OPRM1: variants seen among roughly 807,000 people sequenced by gnomAD.
The protein encoded by OPRM1 is opioid receptor mu 1, also known as mu-type opioid receptor.
OPRM1 carries 27 observed loss-of-function variants against 31.8 expected under a neutral mutation model. The observed-to-expected ratio is 0.85, with a 90% CI of 0.63 to 1.17. OPRM1 has a LOEUF of 1.17. Ranked by LOEUF, OPRM1 falls within the 50% of genes most tolerant of loss-of-function variation. OPRM1 has a pLI of 0.00. For synonymous variants in OPRM1, 196 were observed against 189.9 expected (o/e 1.03, Z -0.26); for missense variants, 536 against 511.1 (o/e 1.05, Z -0.47).
rs996898793 is a variant in OPRM1 at position 154,118,821 on chromosome 6, G to C, written c.*100G>C. 1 of 1,555,280 alleles carries C rather than the reference G, an allele frequency of 6.4e-7. No individual in the cohort carries two copies. Among genetic ancestry groups the C allele is most frequent in the East Asian group, 2.3e-5 (1 of 44,284 alleles). On this transcript the variant is annotated 3_prime_UTR_variant, in exon 4 of 4. Transcript: ENST00000330432. ...TGTGTAGGAGGCTCTAATTCTCTAG[G>C]AAAGTGCCTGCTTTTAGGTCATCCA...
chr6:154,170,351 G>A (rs1405821611), intron 3 of OPRM1, among the ~76,000 whole-genome samples: 1 of 152,134 alleles, frequency 6.6e-6, no homozygotes, highest in Non-Finnish European at 1.5e-5. Flanking sequence ...CCATAGGGTG[G>A]AGAAAAGCAT....
intron 3 of OPRM1, among the ~76,000 whole-genome samples, chr6:154,171,939 G>C (rs1799905327): frequency 6.6e-6 from 1 of 152,104 alleles, no homozygotes; most frequent in African/African-American, 2.4e-5. Flanking sequence ...CAGTATTTTT[G>C]AATTAAGGAA....
At chr6:154,037,433 G>T (rs549292580), upstream of OPRM1, among the ~76,000 whole-genome samples, 86 of 150,366 alleles carry the variant, frequency 5.7e-4, 1 homozygote, top group South Asian at 0.017. Context: ...TTCTTTTTTT[G>T]TTGTTGTTTG....
At position 154,138,246 on chromosome 6, in the gene OPRM1, GA is replaced by G. The variant is rs879605564; in HGVS notation, c.1164+46786del. Among the ~76,000 whole-genome samples, 770 of 142,186 alleles carry G rather than the reference GA, an allele frequency of 5.4e-3. 6 individuals are homozygous for G. Among genetic ancestry groups the G allele is most frequent in the African/African-American group, 0.016 (617 of 39,000 alleles). The allele number at this position is 142,186 out of a possible 152,430, so 93.3% of individuals were successfully genotyped here. ...TAGACAGTATGCAAAAAGCTTTCAG[GA>G]AAAAAAAAAAAGTCACGCAGTTTTT... On this transcript the variant is annotated intron_variant, in intron 3 of 3. Coordinates refer to the OPRM1 transcript ENST00000337049.
chr6:154,037,141 T>C (rs1372962425), upstream of OPRM1, among the ~76,000 whole-genome samples: 1 of 151,984 alleles, frequency 6.6e-6, no homozygotes, highest in Non-Finnish European at 1.5e-5. Flanking sequence ...ACTATAAATT[T>C]ATAGGAGATG....
At chr6:154,033,036 T>G (rs2128388601) in intron 1 of OPRM1, among the ~76,000 whole-genome samples, 1 of 152,304 alleles carries the variant, frequency 6.6e-6, no homozygotes, top group South Asian at 2.1e-4. Flanking sequence ...TTGAGATTAC[T>G]TAAGAATATG....
intron 3 of OPRM1, chr6:154,213,459 G>C (rs907313752): frequency 1.3e-5 from 2 of 153,266 alleles, no homozygotes; most frequent in African/African-American, 4.8e-5. Context: ...GGACCAAGAA[G>C]ATGGCTAGGA....
chr6:154,130,170 CTTTTTTTTT>C lies in OPRM1; in HGVS notation c.*11459_*11467del. ...GATTTCATGGAAATGTTTAAATTTT[CTTTTTTTTT>C]TTTTTTTTTGATGGAGTCTCACTCT... On this transcript the variant is annotated 3_prime_UTR_variant, in exon 4 of 4. Coordinates refer to ENST00000330432, the MANE Select transcript of OPRM1 (RefSeq NM_000914.5). 1.4e-5 allele frequency among the ~76,000 whole-genome samples: 1 copy of C among 71,824 alleles called. No homozygotes were observed. The highest frequency in any genetic ancestry group is 2.9e-5 in the Non-Finnish European group (1 of 34,904). 47.1% of individuals were successfully genotyped at this position (71,824 alleles called of 152,430 possible). A position where few individuals can be genotyped will look rare whatever the true frequency, so the allele number is the denominator to read the frequency against.
intron 1 of OPRM1, among the ~76,000 whole-genome samples, chr6:154,015,291 AAGAC>A (rs1001822902): frequency 5.3e-5 from 8 of 152,002 alleles, no homozygotes; most frequent in African/African-American, 1.4e-4. Context: ...GTTATGTAAA[AAGAC>A]AGAGAGACTA....
chr6:154,052,012 A>G (rs1782299075), intron 1 of OPRM1, among the ~76,000 whole-genome samples: 1 of 152,198 alleles, frequency 6.6e-6, no homozygotes, highest in Admixed American at 6.5e-5. Context: ...AAAGAATAAG[A>G]TCACGTCTTT....
intron 3 of OPRM1, among the ~76,000 whole-genome samples, chr6:154,188,564 G>A (rs1291521013): frequency 6.6e-6 from 1 of 152,162 alleles, no homozygotes; most frequent in East Asian, 1.9e-4. Flanking sequence ...AGGTTAAAAT[G>A]GCCAAGAGTA....
intron 1 of OPRM1, among the ~76,000 whole-genome samples, chr6:154,043,682 C>T (rs553202): frequency 0.27 from 40,729 of 151,804 alleles, 6,197 homozygotes; most frequent in African/African-American, 0.4. Context: ...ATTCACTTTT[C>T]TAAAACCCAC....
rs1797662144 is a variant in OPRM1 at position 154,127,547 on chromosome 6, G to A, written c.*8826G>A. On this transcript the variant is annotated 3_prime_UTR_variant, in exon 4 of 4. Transcript: ENST00000330432. ...GATAAGAACTACCAGACTAGATTAGGAGGTCCACACCACCAATTGAGATGT... is the reference window on the plus strand; with the variant it reads ...GATAAGAACTACCAGACTAGATTAGAAGGTCCACACCACCAATTGAGATGT... 6.6e-6 allele frequency among the ~76,000 whole-genome samples: 1 copy of A among 152,142 alleles called. No homozygotes were observed. Among genetic ancestry groups the A allele is most frequent in the Non-Finnish European group, 1.5e-5 (1 of 68,032 alleles).
intron 3 of OPRM1, among the ~76,000 whole-genome samples, chr6:154,161,514 A>T (rs1261947469): frequency 2.0e-5 from 3 of 152,042 alleles, no homozygotes; most frequent in African/African-American, 7.2e-5. Context: ...CACCTGGCCT[A>T]CCCAATTTTT....
chr6:154,013,034 T>TG lies in OPRM1; in HGVS notation c.-1+2023dup, dbSNP rs546381876. Among the ~76,000 whole-genome samples, 144 of 152,104 alleles carry TG rather than the reference T, an allele frequency of 9.5e-4. 1 individual carries two copies. Among genetic ancestry groups the TG allele is most frequent in the Non-Finnish European group, 2.5e-4 (17 of 67,962 alleles). ...AACATATGAATGTGGTTGGCAGGGC[T>TG]GGGGGGGTACACAAATAGCATATGA... On this transcript the variant is annotated intron_variant, in intron 1 of 5. Transcript: ENST00000434900.
intron 1 of OPRM1, among the ~76,000 whole-genome samples, chr6:154,050,319 C>T (rs911333077): frequency 2.6e-5 from 4 of 152,152 alleles, no homozygotes; most frequent in African/African-American, 9.7e-5. Context: ...GCACTGTCTA[C>T]AACAGCTAAG....
At chr6:154,100,038 A>ATATGATATATATCATATGATATATAT (rs1794386090) in intron 3 of OPRM1, among the ~76,000 whole-genome samples, 1 of 70,182 alleles carries the variant, frequency 1.4e-5, no homozygotes, top group African/African-American at 4.3e-5. Context: ...ATATATTATC[A>ATATGATATATATCATATGATATATAT]TATGATATAT....
At chr6:154,162,173 G>A (rs764045718) in intron 3 of OPRM1, among the ~76,000 whole-genome samples, 11 of 152,252 alleles carry the variant, frequency 7.2e-5, no homozygotes, top group South Asian at 2.1e-4. Context: ...AATGGCCCCC[G>A]CTCTCCTACT....
chr6:154,036,183 T>G (rs1251575660), upstream of OPRM1, among the ~76,000 whole-genome samples: 1 of 152,076 alleles, frequency 6.6e-6, no homozygotes, highest in Non-Finnish European at 1.5e-5. Context: ...TAAGTGGTAT[T>G]AATTTATTAT....
Sources: allele counts gnomAD v4.1 joint callset (sites outside exome capture counted in the v4.1 genomes callset), GRCh38; gene constraint gnomAD v4.1.1; transcripts MANE v1.5; gene names NCBI Gene and HGNC (gene_info 2026-07-23, HGNC 2026-07-21).